GRM8: variants seen among roughly 807,000 people sequenced by gnomAD.
The protein encoded by GRM8 is glutamate metabotropic receptor 8, also known as metabotropic glutamate receptor 8.
A neutral mutation model predicts 87.2 loss-of-function variants in GRM8; 47 were observed. That is an observed-to-expected ratio of 0.54 (90% CI 0.43 to 0.69). The LOEUF (loss-of-function observed/expected upper bound fraction) is 0.69, where lower values mean the gene tolerates loss of function less well. GRM8 is among the 30% of genes least tolerant of loss of function. The pLI is 0.00. For synonymous variants in GRM8, 396 were observed against 404.5 expected, an observed-to-expected ratio of 0.98 and a Z score of 0.25; for missense variants, 1,019 against 1,139.2, an observed-to-expected ratio of 0.89 and a Z score of 1.52.
chr7:127,166,309 C>G (rs975512450), intron 2 of GRM8, among the ~76,000 whole-genome samples: 1 of 152,030 alleles, frequency 6.6e-6, no homozygotes, highest in Non-Finnish European at 1.5e-5. Context: ...GCACAAGGCC[C>G]CAGATCACTC....
intron 2 of GRM8, among the ~76,000 whole-genome samples, chr7:127,110,675 C>T (rs1417774238): frequency 6.6e-6 from 1 of 152,058 alleles, no homozygotes. Context: ...AGGAAAAACG[C>T]TTTTTCTTCT....
At chr7:127,009,091 C>A (rs1421767339) in intron 3 of GRM8, among the ~76,000 whole-genome samples, 2 of 151,570 alleles carry the variant, frequency 1.3e-5, no homozygotes, top group South Asian at 2.1e-4. Context: ...TTTTTCCATC[C>A]CTGCACAAAA....
At chr7:126,447,918 T>C (rs1802197487) in intron 9 of GRM8, among the ~76,000 whole-genome samples, 1 of 151,962 alleles carries the variant, frequency 6.6e-6, no homozygotes, top group Admixed American at 6.6e-5. Flanking sequence ...TACTACAAAG[T>C]TTACAAGATT....
At position 127,226,665 on chromosome 7, in the gene GRM8, G is replaced by A. The variant is rs768111368; in HGVS notation, c.510+16030C>T. The stretch of plus-strand genomic sequence containing the variant: ...TGGGGTTCCATGGTTTCAATATAAC[G>A]TTAAATTTGAAAATTAACGCCTCAA... On this transcript the variant is annotated intron_variant, in intron 2 of 10. Coordinates refer to ENST00000339582, the MANE Select transcript of GRM8 (RefSeq NM_000845.3). Among the ~76,000 whole-genome samples, 4 of 152,304 alleles carry A rather than the reference G, an allele frequency of 2.6e-5. No individual in the cohort carries two copies. In the South Asian group the frequency reaches 8.3e-4, roughly 32 times the overall value.
intron 7 of GRM8, among the ~76,000 whole-genome samples, chr7:126,648,764 T>C (rs1247873770): frequency 6.6e-6 from 1 of 150,834 alleles, no homozygotes; most frequent in African/African-American, 2.4e-5. Flanking sequence ...TTTACTATGA[T>C]TTAAATATCT....
At chr7:126,580,301 A>C (rs549649580) in intron 8 of GRM8, among the ~76,000 whole-genome samples, 2 of 152,220 alleles carry the variant, frequency 1.3e-5, no homozygotes, top group African/African-American at 4.8e-5. Context: ...TTCTCTTCTT[A>C]GTCCCTCTGT....
chr7:126,833,005 T>C (rs989506036), intron 6 of GRM8, among the ~76,000 whole-genome samples: 2 of 152,250 alleles, frequency 1.3e-5, no homozygotes, highest in African/African-American at 2.4e-5. Context: ...AATTTTAATG[T>C]GTACTGGGAG....
chr7:126,880,992 C>T (rs1448932392), intron 6 of GRM8, among the ~76,000 whole-genome samples: 2 of 152,194 alleles, frequency 1.3e-5, no homozygotes, highest in Non-Finnish European at 2.9e-5. Flanking sequence ...CAATATTTTG[C>T]TATGCCCTGT....
chr7:126,854,463 C>A (rs1797499158), intron 6 of GRM8, among the ~76,000 whole-genome samples: 1 of 152,178 alleles, frequency 6.6e-6, no homozygotes, highest in African/African-American at 2.4e-5. Context: ...TTAAAACTCA[C>A]ATCATTGGAA....
chr7:126,475,424 G>A (rs1465298455), intron 9 of GRM8, among the ~76,000 whole-genome samples: 1 of 151,980 alleles, frequency 6.6e-6, no homozygotes, highest in African/African-American at 2.4e-5. Context: ...TGGAAGATCT[G>A]TGTACTGACA....
intron 3 of GRM8, among the ~76,000 whole-genome samples, chr7:126,952,653 T>G (rs145190056): frequency 6.6e-6 from 1 of 152,020 alleles, no homozygotes; most frequent in East Asian, 1.9e-4. Context: ...TGACATGATG[T>G]GCTGAGAAGA....
chr7:127,124,676 C>G (rs1371366771), intron 2 of GRM8, among the ~76,000 whole-genome samples: 1 of 152,102 alleles, frequency 6.6e-6, no homozygotes, highest in Non-Finnish European at 1.5e-5. Flanking sequence ...GGATAATGAA[C>G]CTCCATTTAG....
Position 126,563,288 on chromosome 7 carries a change from G to GC in GRM8, c.1495-29402_1495-29401insG, listed in dbSNP as rs138824835. Among the ~76,000 whole-genome samples, 1,270 of 134,052 alleles carry GC rather than the reference G, an allele frequency of 9.5e-3. 11 individuals are homozygous for GC. Among genetic ancestry groups the GC allele is most frequent in the Non-Finnish European group, 0.015 (909 of 59,136 alleles). 87.9% of individuals were successfully genotyped at this position (134,052 alleles called of 152,430 possible). On this transcript the variant is annotated intron_variant, in intron 8 of 10. Transcript: ENST00000339582. ...TATCAAAACTTCTACTTGCCCTGTG[G>GC]TTTTTTTTTAAAAAAAAAACATATT...
chr7:126,799,754 G>T (rs929848369), intron 6 of GRM8, among the ~76,000 whole-genome samples: 2 of 152,086 alleles, frequency 1.3e-5, no homozygotes, highest in African/African-American at 4.8e-5. Context: ...CTATAAATGT[G>T]GTTCATGTTG....
At chr7:126,877,327 A>C (rs960244805) in intron 6 of GRM8, among the ~76,000 whole-genome samples, 4 of 152,208 alleles carry the variant, frequency 2.6e-5, no homozygotes, top group Non-Finnish European at 5.9e-5. Flanking sequence ...TATCACACTA[A>C]ACACCTCTCC....
chr7:127,153,428 G>A (rs1685039076), intron 2 of GRM8, among the ~76,000 whole-genome samples: 1 of 152,174 alleles, frequency 6.6e-6, no homozygotes. Flanking sequence ...AGGGACACAT[G>A]ATGAATTAGC....
chr7:126,905,880 G>A (rs1802622486), intron 3 of GRM8, among the ~76,000 whole-genome samples: 1 of 152,206 alleles, frequency 6.6e-6, no homozygotes, highest in African/African-American at 2.4e-5. Flanking sequence ...AGTGGAACAT[G>A]TCTGGTGGAG....
At chr7:126,776,412 T>C (rs1819481252) in intron 6 of GRM8, among the ~76,000 whole-genome samples, 1 of 152,136 alleles carries the variant, frequency 6.6e-6, no homozygotes, top group Non-Finnish European at 1.5e-5. Context: ...CATGAACAGT[T>C]TGAAAAATCA....
At chr7:126,669,738 A>G (rs1746711359) in intron 7 of GRM8, among the ~76,000 whole-genome samples, 1 of 152,238 alleles carries the variant, frequency 6.6e-6, no homozygotes, top group South Asian at 2.1e-4. Flanking sequence ...TTACCATTAT[A>G]ACAGGTAATT....
Sources: gnomAD v4.1 joint callset for allele counts (sites outside exome capture counted in the v4.1 genomes callset) on GRCh38, gnomAD v4.1.1 for gene constraint, MANE v1.5 for transcripts, NCBI Gene and HGNC (gene_info 2026-07-23, HGNC 2026-07-21) for gene names.